ADGRL2: variants seen among roughly 807,000 people sequenced by gnomAD.
ADGRL2 encodes the protein calcium-independent alpha-latrotoxin receptor 2.
In ADGRL2, 44 loss-of-function variants were observed where a neutral mutation model predicts 157.4. The observed-to-expected ratio is 0.28, with a 90% CI of 0.22 to 0.36. ADGRL2 has a LOEUF of 0.36. Ranked by LOEUF, ADGRL2 falls within the 10% of genes least tolerant of loss-of-function variation. The pLI, the probability that ADGRL2 is intolerant of heterozygous loss-of-function variation, is 1.00. For missense variants in ADGRL2, 1,510 were observed against 1,768.9 expected (o/e 0.85, Z 2.63); for synonymous variants, 585 against 624.7 (o/e 0.94, Z 0.95).
intron 2 of ADGRL2, among the ~76,000 whole-genome samples, chr1:81,878,644 T>C (rs2093904361): frequency 6.6e-6 from 1 of 152,146 alleles, no homozygotes; most frequent in Non-Finnish European, 1.5e-5. Flanking sequence ...ATTAAAATAT[T>C]ATAGTGCCAG....
In ADGRL2 at chr1:81,830,218, G is replaced by A. The variant is rs566370255; in HGVS notation, c.-100-6667G>A. ...AACACAGGACCAGTTAATACAGAAG[G>A]TAAAAAAAATTAATGAATAACACTC... On this transcript the variant is annotated intron_variant, in intron 1 of 23. Coordinates refer to ENST00000686636, the MANE Select transcript of ADGRL2 (RefSeq NM_001366006.2). Among the ~76,000 whole-genome samples the A allele has an allele frequency of 1.7e-4, 26 of 152,140 alleles. 1 individual carries two copies. The South Asian group carries it at 5.0e-3, about 29-fold the overall frequency.
chr1:81,970,239 G>A (rs753299857), intron 15 of ADGRL2, 75 bp from the exon 16 acceptor site: 241 of 912,132 alleles, frequency 2.6e-4, no homozygotes, highest in Non-Finnish European at 4.0e-4. Context: ...CTCTTAGTGA[G>A]TATTTTATAA....
intron 2 of ADGRL2, chr1:81,579,392 G>A (rs1036144754): frequency 6.6e-6 from 1 of 152,142 alleles, no homozygotes; most frequent in Admixed American, 6.6e-5. Flanking sequence ...TATGTTATGT[G>A]TTTTCAGCCT....
At chr1:81,894,959 G>T (rs1435235700) in intron 2 of ADGRL2, among the ~76,000 whole-genome samples, 1 of 152,132 alleles carries the variant, frequency 6.6e-6, no homozygotes, top group African/African-American at 2.4e-5. Flanking sequence ...TGAATTATTA[G>T]CATGGGTAAT....
At chr1:81,740,722 G>T (rs2085046284) in intron 1 of ADGRL2, among the ~76,000 whole-genome samples, 1 of 152,092 alleles carries the variant, frequency 6.6e-6, no homozygotes, top group Admixed American at 6.6e-5. Flanking sequence ...TAAACCATTT[G>T]GTGGGCTTTC....
intron 1 of ADGRL2, among the ~76,000 whole-genome samples, chr1:81,718,533 ATGTAGT>A (rs1237169749): frequency 1.3e-5 from 2 of 152,168 alleles, no homozygotes; most frequent in African/African-American, 4.8e-5. Flanking sequence ...CATGTCAAAA[ATGTAGT>A]AAAGTGGTTT....
At chr1:81,554,677 A>G (rs2080230993) in intron 2 of ADGRL2, among the ~76,000 whole-genome samples, 1 of 152,062 alleles carries the variant, frequency 6.6e-6, no homozygotes, top group African/African-American at 2.4e-5. Flanking sequence ...AAAGCTGCCA[A>G]TCAGAGTTTC....
chr1:81,968,433 G>T (rs1045385121), intron 14 of ADGRL2, among the ~76,000 whole-genome samples: 1 of 152,172 alleles, frequency 6.6e-6, no homozygotes, highest in South Asian at 2.1e-4. Context: ...CCTCCTTGGG[G>T]CAGGTGCTTG....
chr1:81,411,174 G>T (rs759655357), intron 1 of ADGRL2, among the ~76,000 whole-genome samples: 116 of 152,186 alleles, frequency 7.6e-4, no homozygotes, highest in Non-Finnish European at 1.2e-3. Context: ...TGGCAAAGAT[G>T]CAAAGGCAGC....
chr1:81,635,410 T>G (rs1275924186), intron 3 of ADGRL2, among the ~76,000 whole-genome samples: 2 of 152,192 alleles, frequency 1.3e-5, no homozygotes, highest in Non-Finnish European at 1.5e-5. Flanking sequence ...CTCAAACCTT[T>G]GCATGTCATC....
chr1:81,541,092 G>C (rs1481813067), intron 2 of ADGRL2, among the ~76,000 whole-genome samples: 2 of 152,072 alleles, frequency 1.3e-5, no homozygotes, highest in Non-Finnish European at 2.9e-5. Context: ...TTTATTTGTG[G>C]GGGAACAGCT....
intron 1 of ADGRL2, among the ~76,000 whole-genome samples, chr1:81,340,450 T>G (rs1357362140): frequency 1.3e-5 from 2 of 152,088 alleles, no homozygotes; most frequent in Admixed American, 1.3e-4. Context: ...TTCTCTTTAC[T>G]AGGGTAGCAG....
intron 19 of ADGRL2, 156 bp from the exon 20 acceptor site, chr1:81,984,427 A>T: frequency 3.0e-6 from 2 of 668,794 alleles, no homozygotes; most frequent in Non-Finnish European, 4.8e-6. Flanking sequence ...CAGTAATTTT[A>T]ATTGAACTTG....
At chr1:81,701,273 T>C (rs915196663) in intron 1 of ADGRL2, among the ~76,000 whole-genome samples, 1 of 152,350 alleles carries the variant, frequency 6.6e-6, no homozygotes, top group Admixed American at 6.5e-5. Flanking sequence ...TTTATAACCA[T>C]TGATGCCAGG....
chr1:81,733,129 G>A (rs2084780189), intron 1 of ADGRL2, among the ~76,000 whole-genome samples: 1 of 152,172 alleles, frequency 6.6e-6, no homozygotes, highest in Non-Finnish European at 1.5e-5. Context: ...TGATGCATGA[G>A]GTAGTATCTG....
chr1:81,834,090 C>T (rs770383195), intron 1 of ADGRL2, among the ~76,000 whole-genome samples: 2 of 152,098 alleles, frequency 1.3e-5, no homozygotes, highest in Non-Finnish European at 2.9e-5. Context: ...AAGTAGAAAT[C>T]TGTTGTATCT....
At chr1:81,657,761 G>A (rs2082566692) in intron 3 of ADGRL2, among the ~76,000 whole-genome samples, 2 of 152,148 alleles carry the variant, frequency 1.3e-5, no homozygotes, top group African/African-American at 4.8e-5. Flanking sequence ...AGTAGGCAAA[G>A]CTGTTTTGTG....
At chr1:81,637,276 G>A (rs941706195) in intron 3 of ADGRL2, among the ~76,000 whole-genome samples, 1 of 152,138 alleles carries the variant, frequency 6.6e-6, no homozygotes, top group Admixed American at 6.5e-5. Flanking sequence ...GTGAGGTAAA[G>A]GAATAGTTAT....
intron 1 of ADGRL2, among the ~76,000 whole-genome samples, chr1:81,362,093 G>A (rs2075989684): frequency 6.6e-6 from 1 of 151,892 alleles, no homozygotes; most frequent in South Asian, 2.1e-4. Context: ...CTAAATATTA[G>A]ATAGCATTTA....
Sources: allele counts gnomAD v4.1 joint callset (sites outside exome capture counted in the v4.1 genomes callset), GRCh38; gene constraint gnomAD v4.1.1; transcripts MANE v1.5; gene names NCBI Gene and HGNC (gene_info 2026-07-23, HGNC 2026-07-21).